AUTS2: variants seen among roughly 807,000 people sequenced by gnomAD.
AUTS2 encodes autism susceptibility gene 2 protein.
Under a neutral mutation model 112.4 loss-of-function variants are expected in AUTS2, and 17 were observed. The ratio of observed to expected loss-of-function variants is 0.15; its 90% CI spans 0.10 to 0.23. The LOEUF is 0.23. Ranked by LOEUF, AUTS2 falls within the 10% of genes least tolerant of loss-of-function variation. AUTS2 has a pLI of 1.00. For missense variants in AUTS2, 1,510 were observed against 1,701.6 expected, an observed-to-expected ratio of 0.89 and a Z score of 1.98; for synonymous variants, 751 against 702.7, an observed-to-expected ratio of 1.07 and a Z score of -1.09.
chr7:69,997,576 C>T (rs150860882), intron 2 of AUTS2, among the ~76,000 whole-genome samples: 173 of 152,296 alleles, frequency 1.1e-3, no homozygotes, highest in African/African-American at 3.9e-3. Context: ...ATCTGCTTGC[C>T]TTCTCGTGAA....
At chr7:70,741,133 C>G (rs1585606547) in intron 6 of AUTS2, among the ~76,000 whole-genome samples, 1 of 151,818 alleles carries the variant, frequency 6.6e-6, no homozygotes, top group East Asian at 1.9e-4. Flanking sequence ...AAACTTTTCC[C>G]TGGGATGACT....
chr7:70,368,131 T>C (rs369566686), intron 4 of AUTS2, among the ~76,000 whole-genome samples: 1 of 152,326 alleles, frequency 6.6e-6, no homozygotes, highest in South Asian at 2.1e-4. Flanking sequence ...TTAATAGATA[T>C]GGACCTTGAT....
At chr7:70,140,970 T>C (rs1806830850) in intron 4 of AUTS2, among the ~76,000 whole-genome samples, 1 of 152,194 alleles carries the variant, frequency 6.6e-6, no homozygotes, top group Non-Finnish European at 1.5e-5. Context: ...GTCAAAGATA[T>C]GTAGCTGAAT....
intron 6 of AUTS2, among the ~76,000 whole-genome samples, chr7:70,735,920 A>G (rs1027912167): frequency 1.1e-4 from 16 of 152,276 alleles, no homozygotes; most frequent in African/African-American, 3.9e-4. Flanking sequence ...TTAATTTGGA[A>G]GTTTAGATCA....
At chr7:70,557,959 G>A (rs370289486) in intron 5 of AUTS2, among the ~76,000 whole-genome samples, 1 of 152,164 alleles carries the variant, frequency 6.6e-6, no homozygotes, top group Admixed American at 6.5e-5. Context: ...TCTGCAGTCT[G>A]CTCCATGAAA....
intron 4 of AUTS2, among the ~76,000 whole-genome samples, chr7:70,342,351 G>T (rs937908959): frequency 6.6e-6 from 1 of 150,622 alleles, no homozygotes; most frequent in Non-Finnish European, 1.5e-5. Flanking sequence ...GGGGGAAGTC[G>T]CTTGCCAGAA....
intron 1 of AUTS2, among the ~76,000 whole-genome samples, chr7:69,891,018 A>T (rs952543268): frequency 1.3e-5 from 2 of 152,228 alleles, no homozygotes; most frequent in Non-Finnish European, 2.9e-5. Flanking sequence ...AAACTGCACA[A>T]ACTAACAATA....
intron 2 of AUTS2, among the ~76,000 whole-genome samples, chr7:69,962,208 C>T (rs1797458865): frequency 6.6e-6 from 1 of 152,078 alleles, no homozygotes; most frequent in Admixed American, 6.6e-5. Flanking sequence ...CCTGGATGGG[C>T]CTCTTGCCTG....
At position 70,764,734 on chromosome 7, in the gene AUTS2, T is replaced by C; in HGVS notation, c.1215-18T>C. 6.9e-6 allele frequency: 5 copies of C among 722,884 alleles called. No individual in the cohort carries two copies. Among genetic ancestry groups the C allele is most frequent in the South Asian group, 5.9e-5 (4 of 67,454 alleles). The allele number at this position is 722,884 out of a possible 1,614,324, so 44.8% of individuals were successfully genotyped here. A position where few individuals can be genotyped will look rare whatever the true frequency, so the allele number is the denominator to read the frequency against. Reference sequence around the variant, plus strand: ...CTTTTTTTATTTTTTTCTTTTCTTTTTTTTCTTGTTCCGATAGCAGCAGCA... The same window carrying C: ...CTTTTTTTATTTTTTTCTTTTCTTTCTTTTCTTGTTCCGATAGCAGCAGCA... On this transcript the variant is annotated intron_variant, in intron 7 of 18. Coordinates refer to ENST00000342771, the MANE Select transcript of AUTS2 (RefSeq NM_015570.4).
At chr7:70,207,619 G>A (rs1584876537) in intron 4 of AUTS2, among the ~76,000 whole-genome samples, 1 of 152,204 alleles carries the variant, frequency 6.6e-6, no homozygotes, top group East Asian at 1.9e-4. Context: ...AATGTAATAC[G>A]GAAATATGAG....
intron 2 of AUTS2, among the ~76,000 whole-genome samples, chr7:70,057,248 T>G (rs1187548268): frequency 6.6e-6 from 1 of 152,190 alleles, no homozygotes; most frequent in Non-Finnish European, 1.5e-5. Flanking sequence ...CCAGCTATTT[T>G]TGCTTGTCAT....
intron 2 of AUTS2, among the ~76,000 whole-genome samples, chr7:70,010,612 A>G (rs1799758170): frequency 6.6e-6 from 1 of 152,204 alleles, no homozygotes; most frequent in Non-Finnish European, 1.5e-5. Context: ...GAGTGTGAAC[A>G]AGAAATAAGC....
chr7:69,873,480 C>G (rs1200192629), intron 1 of AUTS2, among the ~76,000 whole-genome samples: 1 of 148,636 alleles, frequency 6.7e-6, no homozygotes, highest in Non-Finnish European at 1.5e-5. Context: ...TAGCTTATCT[C>G]AGAACATCAA....
chr7:70,361,205 C>T (rs1792245662), intron 4 of AUTS2, among the ~76,000 whole-genome samples: 2 of 152,026 alleles, frequency 1.3e-5, no homozygotes, highest in Admixed American at 6.6e-5. Flanking sequence ...TGGTGGCGGA[C>T]GCCCGTAGTC....
At chr7:70,271,908 G>A (rs1348569069) in intron 4 of AUTS2, among the ~76,000 whole-genome samples, 1 of 152,178 alleles carries the variant, frequency 6.6e-6, no homozygotes, top group Non-Finnish European at 1.5e-5. Flanking sequence ...CAGGTTCAAT[G>A]TAATTTCATG....
At chr7:69,610,341 C>T (rs1418887430) in intron 1 of AUTS2, among the ~76,000 whole-genome samples, 1 of 152,216 alleles carries the variant, frequency 6.6e-6, no homozygotes, top group African/African-American at 2.4e-5. Context: ...AAATGCAGGC[C>T]TACCTCTACT....
At position 70,787,314 on chromosome 7, in the gene AUTS2, C is replaced by T; in HGVS notation, c.2414C>T (p.Thr805Ile). 1.2e-6 allele frequency: 2 copies of T among 1,614,236 alleles called. No individual in the cohort carries two copies. The highest frequency in any genetic ancestry group is 1.7e-6 in the Non-Finnish European group (2 of 1,180,024). Residue 805 changes from threonine to isoleucine, a missense_variant, in exon 18 of 19, where the codon ACC becomes ATC. Physicochemically the swap from Thr to Ile is moderately conservative, Grantham distance 89. Transcript: ENST00000342771. Reference sequence around the variant, plus strand: ...CACCGAACGCCTCCGTCGTTCCCGACCCCTCCGCCCTGGCTGAAGCCAGGG... The same window carrying T: ...CACCGAACGCCTCCGTCGTTCCCGATCCCTCCGCCCTGGCTGAAGCCAGGG... ...RLHRTPPSFP[T>I]PPPWLKPGEL...
At chr7:70,442,264 C>G (rs762619048) in intron 5 of AUTS2, among the ~76,000 whole-genome samples, 2 of 152,154 alleles carry the variant, frequency 1.3e-5, no homozygotes, top group Non-Finnish European at 2.9e-5. Flanking sequence ...CATCTCCAAA[C>G]GGAGGGGATA....
At chr7:70,158,008 G>A (rs1375805074) in intron 4 of AUTS2, among the ~76,000 whole-genome samples, 1 of 152,182 alleles carries the variant, frequency 6.6e-6, no homozygotes, top group African/African-American at 2.4e-5. Context: ...GGGAGTGGAG[G>A]TTAACCTGAT....
Sources: allele counts gnomAD v4.1 joint callset (sites outside exome capture counted in the v4.1 genomes callset), GRCh38; gene constraint gnomAD v4.1.1; transcripts MANE v1.5; gene names NCBI Gene and HGNC (gene_info 2026-07-23, HGNC 2026-07-21).